UBE3D: variants seen among roughly 807,000 people sequenced by gnomAD.
UBE3D encodes E3 ubiquitin-protein ligase E3D.
UBE3D carries 48 observed loss-of-function variants against 49.6 expected under a neutral mutation model. The observed-to-expected ratio is 0.97, with a 90% CI of 0.77 to 1.23. The LOEUF is 1.23. Among genes scored for constraint, UBE3D ranks in the 50% most tolerant of loss-of-function variants. The probability of loss-of-function intolerance (pLI) is 0.00; values close to 1 mark genes in which losing one functional copy is unlikely to be tolerated. For missense variants in UBE3D, 452 were observed against 468.4 expected (o/e 0.96, Z 0.32); for synonymous variants, 189 against 174.2 (o/e 1.08, Z -0.67).
chr6:83,005,421 A>T (rs1366644145), intron 8 of UBE3D, among the ~76,000 whole-genome samples: 1 of 152,108 alleles, frequency 6.6e-6, no homozygotes, highest in Non-Finnish European at 1.5e-5. Context: ...AGACGGTATG[A>T]AGGTTCCTCA....
intron 8 of UBE3D, among the ~76,000 whole-genome samples, chr6:82,959,164 T>G (rs1776370418): frequency 6.6e-6 from 1 of 152,050 alleles, no homozygotes; most frequent in Non-Finnish European, 1.5e-5. Context: ...ATTTTTTTTT[T>G]TTTAGAAAAA....
At chr6:82,982,410 T>C (rs1224630000) in intron 8 of UBE3D, among the ~76,000 whole-genome samples, 1 of 152,202 alleles carries the variant, frequency 6.6e-6, no homozygotes, top group Non-Finnish European at 1.5e-5. Context: ...GGTCCACATA[T>C]TATTAATTGG....
the UBE3D span, among the ~76,000 whole-genome samples, chr6:82,883,957 G>A: frequency 6.6e-6 from 1 of 152,174 alleles, no homozygotes; most frequent in Non-Finnish European, 1.5e-5. Flanking sequence ...ACTTCTGGGA[G>A]AACCTCATTT....
At chr6:82,937,956 C>T (rs939767473) in intron 9 of UBE3D, among the ~76,000 whole-genome samples, 5 of 152,178 alleles carry the variant, frequency 3.3e-5, no homozygotes, top group African/African-American at 9.6e-5. Context: ...ACGGCATCAA[C>T]TCCATCCTCT....
Position 83,040,177 on chromosome 6 carries a change from G to GT in UBE3D, c.598-1693dup, listed in dbSNP as rs560931912. Among the ~76,000 whole-genome samples, 6 of 152,066 alleles carry GT rather than the reference G, an allele frequency of 3.9e-5. No individual in the cohort carries two copies. In the South Asian group the frequency reaches 1.0e-3, roughly 26 times the overall value. Reference sequence around the variant, plus strand: ...AGGCAGCCGGATCATGAGGTCAGGAGTTTGAGACCAGCCTGACCAACATGG... The same window carrying GT: ...AGGCAGCCGGATCATGAGGTCAGGAGTTTTGAGACCAGCCTGACCAACATGG... On this transcript the variant is annotated intron_variant, in intron 4 of 9. Transcript: ENST00000369747.
At chr6:82,965,913 T>C (rs1450996143) in intron 8 of UBE3D, among the ~76,000 whole-genome samples, 1 of 152,152 alleles carries the variant, frequency 6.6e-6, no homozygotes, top group Non-Finnish European at 1.5e-5. Flanking sequence ...CCAGACAACA[T>C]ATCATTCATT....
At chr6:83,049,060 A>G (rs897179779) in intron 3 of UBE3D, among the ~76,000 whole-genome samples, 1 of 152,232 alleles carries the variant, frequency 6.6e-6, no homozygotes, top group South Asian at 2.1e-4. Context: ...AAACTTTTAG[A>G]AAACTTAAAA....
chr6:82,952,027 G>A (rs1188309827), intron 9 of UBE3D, among the ~76,000 whole-genome samples: 1 of 152,158 alleles, frequency 6.6e-6, no homozygotes, highest in African/African-American at 2.4e-5. Flanking sequence ...AAGTACATTT[G>A]AGAAATACTG....
intron 8 of UBE3D, among the ~76,000 whole-genome samples, chr6:83,007,671 A>G (rs1171730813): frequency 1.3e-5 from 2 of 152,214 alleles, no homozygotes; most frequent in African/African-American, 4.8e-5. Context: ...CTCACCGGGT[A>G]CGGTGGCTCA....
At chr6:82,975,007 A>G (rs1777616234) in intron 8 of UBE3D, among the ~76,000 whole-genome samples, 1 of 152,178 alleles carries the variant, frequency 6.6e-6, no homozygotes, top group South Asian at 2.1e-4. Flanking sequence ...AATAACAAAA[A>G]TACAATAATT....
rs186417381 is a variant in UBE3D at position 82,935,500 on chromosome 6, G to A, written c.1149+21812C>T. ...TGAGGAAATGGGGGTGGGGATAATG[G>A]AAATTTAATATATAATAGCTGATCA... is the stretch of plus-strand genomic sequence containing the variant. On this transcript the variant is annotated intron_variant, in intron 9 of 9. Coordinates refer to ENST00000369747, the MANE Select transcript of UBE3D (RefSeq NM_198920.3). Among the ~76,000 whole-genome samples the A allele has an allele frequency of 6.1e-4, 93 of 152,258 alleles. 1 individual carries two copies. The highest frequency in any genetic ancestry group is 1.1e-3 in the Admixed American group (17 of 15,294).
intron 7 of UBE3D, 98 bp from the exon 8 acceptor site, chr6:83,019,234 G>C (rs73749502): frequency 2.7e-6 from 3 of 1,095,232 alleles, no homozygotes; most frequent in Non-Finnish European, 3.7e-6. Flanking sequence ...GAAAATACCA[G>C]AAAAAATAAA....
At chr6:82,960,114 A>G (rs1178516146) in intron 8 of UBE3D, among the ~76,000 whole-genome samples, 2 of 152,178 alleles carry the variant, frequency 1.3e-5, no homozygotes, top group Non-Finnish European at 2.9e-5. Flanking sequence ...CAATTTCTCC[A>G]AAGTTTTCAC....
intron 9 of UBE3D, among the ~76,000 whole-genome samples, chr6:82,948,956 T>C (rs182703313): frequency 2.0e-4 from 31 of 152,164 alleles, no homozygotes; most frequent in African/African-American, 7.5e-4. Flanking sequence ...CTCTAGGATC[T>C]GAAACATGAC....
intron 8 of UBE3D, among the ~76,000 whole-genome samples, chr6:82,965,202 T>A (rs1174473070): frequency 6.6e-6 from 1 of 152,154 alleles, no homozygotes; most frequent in African/African-American, 2.4e-5. Context: ...TATTACTTCA[T>A]GCCAAAAAAT....
At chr6:82,988,454 CAAGA>C (rs1778672048) in intron 8 of UBE3D, among the ~76,000 whole-genome samples, 1 of 151,480 alleles carries the variant, frequency 6.6e-6, no homozygotes, top group Non-Finnish European at 1.5e-5. Flanking sequence ...CAGTGAAGTA[CAAGA>C]CATGAGAAAA....
chr6:82,897,112 C>T (rs1329317714), intron 9 of UBE3D, among the ~76,000 whole-genome samples: 3 of 151,902 alleles, frequency 2.0e-5, no homozygotes, highest in Non-Finnish European at 4.4e-5. Flanking sequence ...GGACTCTTTA[C>T]ACTAAGTAGA....
At chr6:82,953,250 C>A (rs988047535) in intron 9 of UBE3D, among the ~76,000 whole-genome samples, 7 of 152,234 alleles carry the variant, frequency 4.6e-5, no homozygotes, top group African/African-American at 1.7e-4. Flanking sequence ...GGGCATCATT[C>A]CCATATTCCC....
intron 8 of UBE3D, among the ~76,000 whole-genome samples, chr6:82,974,152 T>G (rs1047367569): frequency 1.3e-5 from 2 of 152,212 alleles, no homozygotes; most frequent in African/African-American, 4.8e-5. Context: ...CAATTACTTT[T>G]GCACCAACCT....
Sources: gnomAD v4.1 joint callset for allele counts (sites outside exome capture counted in the v4.1 genomes callset) on GRCh38, gnomAD v4.1.1 for gene constraint, MANE v1.5 for transcripts, NCBI Gene and HGNC (gene_info 2026-07-23, HGNC 2026-07-21) for gene names.